Variants in EYS observed in about 807,000 individuals in gnomAD.
EYS encodes EGF-like photoreceptor maintenance factor, also known as protein eyes shut homolog.
In EYS, 250 loss-of-function variants were observed where a neutral mutation model predicts 282.1. The ratio of observed to expected loss-of-function variants is 0.89; its 90% CI spans 0.80 to 0.98. The LOEUF (loss-of-function observed/expected upper bound fraction) is 0.98, where lower values mean the gene tolerates loss of function less well. Among genes scored for constraint, EYS ranks in the 50% least tolerant of loss-of-function variants. EYS has a pLI of 0.00. For missense variants in EYS, 4,016 were observed against 3,709.0 expected (o/e 1.08, Z -2.15); for synonymous variants, 1,355 against 1,282.9 (o/e 1.06, Z -1.20).
At chr6:65,068,848 G>T (rs960604828) in intron 12 of EYS, among the ~76,000 whole-genome samples, 1 of 152,024 alleles carries the variant, frequency 6.6e-6, no homozygotes, top group Admixed American at 6.6e-5. Context: ...ATGCTCTGCA[G>T]TATCTGTTAA....
intron 12 of EYS, among the ~76,000 whole-genome samples, chr6:65,206,772 A>T (rs548512503): frequency 2.6e-5 from 4 of 151,984 alleles, no homozygotes; most frequent in Admixed American, 2.0e-4. Context: ...AAAAACGAAA[A>T]CCATTTGATT....
At chr6:65,384,536 A>G (rs371467539) in intron 7 of EYS, 36 bp from the exon 8 acceptor site, 31 of 1,039,892 alleles carry the variant, frequency 3.0e-5, no homozygotes, top group Non-Finnish European at 4.5e-5. Context: ...AAAAATTATA[A>G]TTTAAATGTT....
chr6:64,259,581 G>A (rs1212648834), intron 30 of EYS, among the ~76,000 whole-genome samples: 1 of 151,426 alleles, frequency 6.6e-6, no homozygotes, highest in Non-Finnish European at 1.5e-5. Flanking sequence ...GTGCCAATTA[G>A]CAAACACAGA....
chr6:64,559,024 T>G lies in EYS; in HGVS notation c.5644+31199A>C, dbSNP rs373222843. ...ATAGTTACATGCAGTTTTTAAATAT[T>G]TTTGTTTGTTTGATCTTACAATTTC... is the stretch of plus-strand genomic sequence containing the variant. On this transcript the variant is annotated intron_variant, in intron 26 of 42. Coordinates refer to ENST00000503581, the MANE Select transcript of EYS (RefSeq NM_001142800.2). Among the ~76,000 whole-genome samples, 47 of 152,272 alleles carry G rather than the reference T, an allele frequency of 3.1e-4. No individual in the cohort carries two copies. The South Asian group carries it at 5.8e-3, about 19-fold the overall frequency.
At chr6:64,728,829 A>G (rs1771858887) in intron 22 of EYS, 1 of 152,268 alleles carries the variant, frequency 6.6e-6, no homozygotes, top group Non-Finnish European at 1.5e-5. Flanking sequence ...AGGTCTTACT[A>G]ACGAATTGGA....
chr6:65,224,064 A>G (rs1445114749), intron 12 of EYS, among the ~76,000 whole-genome samples: 1 of 152,212 alleles, frequency 6.6e-6, no homozygotes, highest in East Asian at 1.9e-4. Context: ...ACTACAAACC[A>G]GACCTAACAG....
At chr6:64,735,540 C>T (rs965196225) in intron 22 of EYS, among the ~76,000 whole-genome samples, 2 of 152,084 alleles carry the variant, frequency 1.3e-5, no homozygotes, top group African/African-American at 4.8e-5. Context: ...AATTGTATAA[C>T]TTATACTTTG....
intron 26 of EYS, among the ~76,000 whole-genome samples, chr6:64,568,249 T>A (rs1380449923): frequency 6.6e-6 from 1 of 151,932 alleles, no homozygotes; most frequent in Non-Finnish European, 1.5e-5. Flanking sequence ...GGAAAGCATA[T>A]AGCTGAGAAA....
chr6:64,992,943 C>G (rs531604837), intron 14 of EYS, among the ~76,000 whole-genome samples: 1 of 152,118 alleles, frequency 6.6e-6, no homozygotes, highest in African/African-American at 2.4e-5. Flanking sequence ...CACTGATTAG[C>G]TAAGCATCAT....
chr6:64,604,132 C>A (rs949603264), intron 24 of EYS, among the ~76,000 whole-genome samples: 2 of 151,824 alleles, frequency 1.3e-5, no homozygotes, highest in Non-Finnish European at 2.9e-5. Context: ...TAGAATAATT[C>A]ATCTATAATG....
chr6:63,893,931 C>G (rs1375003567), intron 35 of EYS, among the ~76,000 whole-genome samples: 8 of 152,120 alleles, frequency 5.3e-5, no homozygotes, highest in Non-Finnish European at 1.0e-4. Context: ...TCCTGGAGAT[C>G]TTTAAAAAGT....
chr6:63,739,710 C>A lies in EYS; in HGVS notation c.8072-13030G>T, dbSNP rs142118927. Among the ~76,000 whole-genome samples, 646 of 152,014 alleles carry A rather than the reference C, an allele frequency of 4.2e-3. 7 individuals carry two copies. Among genetic ancestry groups the A allele is most frequent in the African/African-American group, 0.015 (620 of 41,482 alleles). On this transcript the variant is annotated intron_variant, in intron 41 of 42. Coordinates refer to ENST00000503581, the MANE Select transcript of EYS (RefSeq NM_001142800.2). Reference sequence around the variant, plus strand: ...AAAAGTAAACTTATTCCCCCCACCCCCAAGACAGAGTCTTGCTCTGTCTCC... The same window carrying A: ...AAAAGTAAACTTATTCCCCCCACCCACAAGACAGAGTCTTGCTCTGTCTCC...
intron 35 of EYS, among the ~76,000 whole-genome samples, chr6:63,970,640 A>G (rs1271322101): frequency 6.6e-6 from 1 of 151,796 alleles, no homozygotes; most frequent in East Asian, 1.9e-4. Context: ...ATCTCAAAAA[A>G]AAAAAAAAAT....
intron 40 of EYS, among the ~76,000 whole-genome samples, chr6:63,771,595 A>G (rs114526636): frequency 0.012 from 1,839 of 152,284 alleles, 30 homozygotes; most frequent in African/African-American, 0.043. Flanking sequence ...GAAGATAAAC[A>G]TTCCTTTTGG....
At chr6:64,371,324 G>GTTTT (rs34032224) in intron 29 of EYS, among the ~76,000 whole-genome samples, 60 of 143,128 alleles carry the variant, frequency 4.2e-4, no homozygotes, top group African/African-American at 1.5e-3. Context: ...TTTATGGTTG[G>GTTTT]TTTTTTTTTT....
chr6:64,874,328 C>T (rs945233922), intron 19 of EYS, among the ~76,000 whole-genome samples: 3 of 152,016 alleles, frequency 2.0e-5, no homozygotes, highest in African/African-American at 7.2e-5. Context: ...GGTAGAATTT[C>T]ATTGTATCGA....
intron 1 of EYS, among the ~76,000 whole-genome samples, chr6:65,643,776 A>G (rs951139268): frequency 6.6e-5 from 10 of 152,066 alleles, no homozygotes; most frequent in Non-Finnish European, 1.3e-4. Context: ...ACCAGCCCAG[A>G]GCTCAGTACC....
At chr6:65,521,585 C>A (rs764445231) in intron 2 of EYS, among the ~76,000 whole-genome samples, 3 of 152,088 alleles carry the variant, frequency 2.0e-5, no homozygotes, top group African/African-American at 4.8e-5. Context: ...ACATACCTGA[C>A]AGTTCATATA....
At chr6:63,771,148 A>G (rs1769918700) in intron 40 of EYS, among the ~76,000 whole-genome samples, 1 of 152,182 alleles carries the variant, frequency 6.6e-6, no homozygotes, top group Admixed American at 6.6e-5. Flanking sequence ...TTGGGAAACT[A>G]CATGAGCTGC....
Sources: allele counts gnomAD v4.1 joint callset (sites outside exome capture counted in the v4.1 genomes callset), GRCh38; gene constraint gnomAD v4.1.1; transcripts MANE v1.5; gene names NCBI Gene and HGNC (gene_info 2026-07-23, HGNC 2026-07-21).